The following EYS variants were observed in gnomAD, a reference collection of about 807,000 sequenced individuals.
EYS encodes EGF-like photoreceptor maintenance factor.
A neutral mutation model predicts 282.1 loss-of-function variants in EYS; 250 were observed. That is an observed-to-expected ratio of 0.89 (90% CI 0.80 to 0.98). The LOEUF (loss-of-function observed/expected upper bound fraction) is 0.98. Among genes scored for constraint, EYS ranks in the 50% least tolerant of loss-of-function variants. The pLI is 0.00. For synonymous variants in EYS, 1,355 were observed against 1,282.9 expected, an observed-to-expected ratio of 1.06 and a Z score of -1.20; for missense variants, 4,016 against 3,709.0, an observed-to-expected ratio of 1.08 and a Z score of -2.15.
chr6:63,795,736 T>C (rs767616993), intron 37 of EYS, among the ~76,000 whole-genome samples: 1 of 152,076 alleles, frequency 6.6e-6, no homozygotes, highest in African/African-American at 2.4e-5. Flanking sequence ...CTGATTTAAT[T>C]TGCATGTATG....
At chr6:65,315,920 G>A (rs934925777) in intron 11 of EYS, among the ~76,000 whole-genome samples, 1 of 149,948 alleles carries the variant, frequency 6.7e-6, no homozygotes, top group Non-Finnish European at 1.5e-5. Context: ...TCAGCAGTTA[G>A]GATTATCTCT....
chr6:64,422,387 T>C (rs1276226626), intron 28 of EYS, among the ~76,000 whole-genome samples: 1 of 152,160 alleles, frequency 6.6e-6, no homozygotes, highest in Admixed American at 6.5e-5. Flanking sequence ...TGGATAAGCA[T>C]GTATGTTCTA....
chr6:64,113,882 T>G (rs1260818490), intron 31 of EYS, among the ~76,000 whole-genome samples: 1 of 152,246 alleles, frequency 6.6e-6, no homozygotes, highest in East Asian at 1.9e-4. Context: ...GCAAGCAGGT[T>G]AAATCCAGCA....
intron 22 of EYS, among the ~76,000 whole-genome samples, chr6:64,773,012 T>C (rs1377115092): frequency 2.0e-5 from 3 of 151,734 alleles, no homozygotes; most frequent in Non-Finnish European, 4.4e-5. Context: ...CAGGGGGATG[T>C]GGACAGGTTT....
At chr6:64,196,566 G>C (rs1282249497) in intron 31 of EYS, among the ~76,000 whole-genome samples, 2 of 151,974 alleles carry the variant, frequency 1.3e-5, no homozygotes, top group Admixed American at 1.3e-4. Context: ...ATGCAGCCAT[G>C]AAAAATGATG....
chr6:64,680,621 G>C (rs979962603), intron 22 of EYS, among the ~76,000 whole-genome samples: 4 of 152,178 alleles, frequency 2.6e-5, no homozygotes, highest in African/African-American at 7.2e-5. Context: ...ATCCTGGTTA[G>C]TGTGACTAAG....
chr6:65,593,528 T>C (rs910791947), intron 2 of EYS, among the ~76,000 whole-genome samples: 1 of 152,018 alleles, frequency 6.6e-6, no homozygotes, highest in Non-Finnish European at 1.5e-5. Context: ...ATTTAAGTTA[T>C]AATTGGATGG....
chr6:63,840,229 A>ATTG (rs1554181040), intron 36 of EYS, among the ~76,000 whole-genome samples: 398 of 128,990 alleles, frequency 3.1e-3, no homozygotes, highest in Non-Finnish European at 4.5e-3. Context: ...TATTATTATT[A>ATTG]TTATTATTGT....
chr6:63,739,059 C>G (rs1375291271), intron 41 of EYS, among the ~76,000 whole-genome samples: 1 of 151,950 alleles, frequency 6.6e-6, no homozygotes, highest in Non-Finnish European at 1.5e-5. Flanking sequence ...TTCATTTTTC[C>G]CTGCCTCCCT....
At chr6:64,081,412 C>G (rs184377324) in intron 32 of EYS, among the ~76,000 whole-genome samples, 1 of 151,820 alleles carries the variant, frequency 6.6e-6, no homozygotes, top group East Asian at 1.9e-4. Flanking sequence ...TAAAAAAAAA[C>G]CAGCTTATAT....
intron 30 of EYS, among the ~76,000 whole-genome samples, chr6:64,306,310 C>T (rs1276877793): frequency 6.6e-6 from 1 of 152,072 alleles, no homozygotes; most frequent in Non-Finnish European, 1.5e-5. Context: ...AATAACCCAC[C>T]TCACCATGCT....
At chr6:64,781,543 C>G (rs1467059653) in intron 22 of EYS, among the ~76,000 whole-genome samples, 1 of 145,102 alleles carries the variant, frequency 6.9e-6, no homozygotes, top group African/African-American at 2.5e-5. Flanking sequence ...CGCTACTGCA[C>G]TCCAGCCTGG....
chr6:65,016,468 A>T (rs1402838345), intron 13 of EYS, among the ~76,000 whole-genome samples: 4 of 138,370 alleles, frequency 2.9e-5, no homozygotes, highest in Admixed American at 6.9e-5. Flanking sequence ...TAAACTTAAA[A>T]TCTGCTGTTT....
chr6:65,600,467 AC>A (rs1765577480), intron 2 of EYS, among the ~76,000 whole-genome samples: 1 of 151,992 alleles, frequency 6.6e-6, no homozygotes, highest in Non-Finnish European at 1.5e-5. Context: ...TTAAATGTCA[AC>A]TATTAAGTAT....
chr6:65,113,146 T>C (rs909129500), intron 12 of EYS, among the ~76,000 whole-genome samples: 5 of 152,084 alleles, frequency 3.3e-5, no homozygotes, highest in Non-Finnish European at 7.4e-5. Context: ...CTAAGTGTTA[T>C]ATATCTTTTG....
At chr6:64,391,785 T>C (rs1773158549) in intron 28 of EYS, among the ~76,000 whole-genome samples, 1 of 152,236 alleles carries the variant, frequency 6.6e-6, no homozygotes, top group African/African-American at 2.4e-5. Flanking sequence ...ATATTAACTT[T>C]AAATGTAAAT....
intron 8 of EYS, among the ~76,000 whole-genome samples, chr6:65,365,644 A>G (rs1375111765): frequency 6.6e-6 from 1 of 151,694 alleles, no homozygotes; most frequent in Non-Finnish European, 1.5e-5. Context: ...TTGAGTTTCC[A>G]CAATGTAATG....
intron 11 of EYS, among the ~76,000 whole-genome samples, chr6:65,312,457 AT>A (rs771150824): frequency 8.5e-5 from 13 of 152,092 alleles, no homozygotes; most frequent in Non-Finnish European, 1.8e-4. Flanking sequence ...CCCATGCCTA[AT>A]TTTGTATTCT....
In EYS at chr6:63,948,098, T is replaced by G. The variant is rs77511873; in HGVS notation, c.7055+36285A>C. ...ACCTCAACTATTTGAAGAAAACATG[T>G]TAAACACACATGCACATCTCAAAGA... On this transcript the variant is annotated intron_variant, in intron 35 of 42. Coordinates refer to ENST00000503581, the MANE Select transcript of EYS (RefSeq NM_001142800.2). 1.5e-3 allele frequency among the ~76,000 whole-genome samples: 233 copies of G among 152,304 alleles called. 1 individual carries two copies. The highest frequency in any genetic ancestry group is 5.4e-3 in the African/African-American group (223 of 41,580).
Sources: allele counts gnomAD v4.1 joint callset (sites outside exome capture counted in the v4.1 genomes callset), GRCh38; gene constraint gnomAD v4.1.1; transcripts MANE v1.5; gene names NCBI Gene and HGNC (gene_info 2026-07-23, HGNC 2026-07-21).